The following INPP5A variants were observed in gnomAD, a reference collection of about 807,000 sequenced individuals.
The protein encoded by INPP5A is 43 kDa inositol polyphosphate 5-phophatase.
Under a neutral mutation model 65.2 loss-of-function variants are expected in INPP5A, and 14 were observed. That is an observed-to-expected ratio of 0.21 (90% CI 0.14 to 0.34). The LOEUF (loss-of-function observed/expected upper bound fraction) is 0.34, where lower values mean the gene tolerates loss of function less well. INPP5A is among the 10% of genes least tolerant of loss of function. The probability of loss-of-function intolerance (pLI) is 1.00; values close to 1 mark genes in which losing one functional copy is unlikely to be tolerated. For missense variants in INPP5A, 431 were observed against 545.6 expected, an observed-to-expected ratio of 0.79 and a Z score of 2.09; for synonymous variants, 207 against 208.3, an observed-to-expected ratio of 0.99 and a Z score of 0.05.
Position 132,764,739 on chromosome 10 carries a change from G to A in INPP5A, c.904-1034G>A, listed in dbSNP as rs556047060. 9.2e-5 allele frequency among the ~76,000 whole-genome samples: 12 copies of A among 129,954 alleles called. No homozygotes were observed. In the East Asian group the frequency reaches 1.4e-3, roughly 16 times the overall value. 85.3% of individuals were successfully genotyped at this position (129,954 alleles called of 152,430 possible). The stretch of plus-strand genomic sequence containing the variant: ...GTGTGTGGTGACACTCAGGAACACG[G>A]TCGGGCCAGTCCTGCTGCGGTGGGA... On this transcript the variant is annotated intron_variant, in intron 11 of 15. Coordinates refer to ENST00000368594, the MANE Select transcript of INPP5A (RefSeq NM_005539.5).
chr10:132,710,945 T>C (rs1845626870), intron 8 of INPP5A, among the ~76,000 whole-genome samples: 1 of 152,132 alleles, frequency 6.6e-6, no homozygotes. Context: ...GGAGGCACAC[T>C]CTGCTCTGCG....
rs915775555 is a variant in INPP5A at position 132,610,275 on chromosome 10, C to T, written c.117+2319C>T. Among the ~76,000 whole-genome samples, 3 of 152,244 alleles carry T rather than the reference C, an allele frequency of 2.0e-5. 1 individual carries two copies. The South Asian group carries it at 6.2e-4, about 32-fold the overall frequency. On this transcript the variant is annotated intron_variant, in intron 2 of 15. Coordinates refer to ENST00000368594, the MANE Select transcript of INPP5A (RefSeq NM_005539.5). The stretch of plus-strand genomic sequence containing the variant: ...GGAAGCCCCTGTCCCCACGCTCCAG[C>T]CCCTGGCAATTGTTTCCCTGTGTGC...
rs1445264896 is a variant in INPP5A at position 132,777,731 on chromosome 10, C to T, written c.1038C>T (p.Ala346=). ...GEQYMNTRCP[A]WCDRILMSPS... is the part of the protein sequence containing the mutation. ...AGTACATGAACACCCGGTGCCCAGCCTGGTGTGACCGCATCCTCATGTCCC... is the reference window on the plus strand; with the variant it reads ...AGTACATGAACACCCGGTGCCCAGCTTGGTGTGACCGCATCCTCATGTCCC... The change falls in exon 13 of 16, where the codon GCC becomes GCT. Residue 346 remains alanine, a synonymous_variant. Transcript: ENST00000368594. 6.2e-7 allele frequency: 1 copy of T among 1,613,118 alleles called. No individual in the cohort carries two copies. The highest frequency in any genetic ancestry group is 8.5e-7 in the Non-Finnish European group (1 of 1,180,010).
chr10:132,769,948 G>A (rs993775225), intron 12 of INPP5A, among the ~76,000 whole-genome samples: 8 of 152,228 alleles, frequency 5.3e-5, no homozygotes, highest in Admixed American at 1.3e-4. Flanking sequence ...GTTTAACTTT[G>A]AGAATTAACC....
At chr10:132,640,956 C>T (rs925907360) in intron 2 of INPP5A, among the ~76,000 whole-genome samples, 2 of 152,168 alleles carry the variant, frequency 1.3e-5, no homozygotes, top group East Asian at 1.9e-4. Flanking sequence ...TCAGTTTTTC[C>T]GCCGGGATGC....
intron 9 of INPP5A, among the ~76,000 whole-genome samples, chr10:132,732,259 T>C (rs898708879): frequency 3.1e-4 from 47 of 152,354 alleles, no homozygotes; most frequent in African/African-American, 1.1e-3. Flanking sequence ...AGTTTTAAAC[T>C]GGATTGTTTA....
At chr10:132,601,695 T>A (rs924728799) in intron 1 of INPP5A, among the ~76,000 whole-genome samples, 1 of 152,362 alleles carries the variant, frequency 6.6e-6, no homozygotes, top group African/African-American at 2.4e-5. Context: ...TTTCATTCTT[T>A]TGCATGCGGT....
chr10:132,769,054 CG>C (rs1424637504), intron 12 of INPP5A, among the ~76,000 whole-genome samples: 7 of 152,300 alleles, frequency 4.6e-5, no homozygotes, highest in African/African-American at 1.7e-4. Flanking sequence ...CAGCCGCACC[CG>C]GGGCGTTGGT....
At chr10:132,718,818 C>A (rs375570733) in intron 8 of INPP5A, among the ~76,000 whole-genome samples, 74 of 137,784 alleles carry the variant, frequency 5.4e-4, no homozygotes, top group African/African-American at 1.4e-3. Flanking sequence ...AGCTGTCTTG[C>A]GGGTTCTGTG....
At chr10:132,730,949 A>G (rs1375934077) in intron 9 of INPP5A, among the ~76,000 whole-genome samples, 1 of 152,180 alleles carries the variant, frequency 6.6e-6, no homozygotes, top group Non-Finnish European at 1.5e-5. Flanking sequence ...GACAGTACAG[A>G]CCAGGTGACT....
chr10:132,776,440 C>T (rs1427272073), intron 12 of INPP5A, among the ~76,000 whole-genome samples: 1 of 152,198 alleles, frequency 6.6e-6, no homozygotes, highest in Admixed American at 6.5e-5. Context: ...GGAGGGGCTG[C>T]AGAATCCGCA....
intron 2 of INPP5A, among the ~76,000 whole-genome samples, chr10:132,614,951 G>A (rs939940906): frequency 6.6e-5 from 10 of 152,276 alleles, no homozygotes; most frequent in African/African-American, 9.6e-5. Context: ...TGGAGCACAC[G>A]TCTGTGGCGT....
At chr10:132,719,458 G>A (rs1202077756) in intron 8 of INPP5A, among the ~76,000 whole-genome samples, 3 of 150,258 alleles carry the variant, frequency 2.0e-5, no homozygotes, top group East Asian at 4.0e-4. Context: ...GGTTCTGTCT[G>A]GGCACCTTAG....
Position 132,659,209 on chromosome 10 carries a change from A to G in INPP5A, c.306+8704A>G, listed in dbSNP as rs909744346. On this transcript the variant is annotated intron_variant, in intron 4 of 15. Transcript: ENST00000368594. The surrounding 1 kb of genome is among the most constrained non-coding windows in gnomAD (Gnocchi z 5.5). ...CAGACTCAGAGGCACAGGGGTTCAG[A>G]TTGAGGCCTGGGGCTGAGGAAGCAG... Among the ~76,000 whole-genome samples the G allele has an allele frequency of 6.6e-6, 1 of 152,112 alleles. No homozygotes were observed. The highest frequency in any genetic ancestry group is 1.9e-4 in the East Asian group (1 of 5,174).
intron 8 of INPP5A, among the ~76,000 whole-genome samples, chr10:132,713,769 T>A (rs1004243913): frequency 1.3e-5 from 2 of 152,154 alleles, no homozygotes; most frequent in African/African-American, 4.8e-5. Context: ...GCCTCCCGGA[T>A]ATCTCTGGAG....
chr10:132,765,983 AGT>A (rs1489028652), intron 12 of INPP5A, 137 bp downstream of exon 12: 3 of 671,662 alleles, frequency 4.5e-6, no homozygotes, highest in South Asian at 3.4e-5. Flanking sequence ...GTGCATCCAG[AGT>A]GTGTGTACCA....
rs2073088526 is a variant in INPP5A at position 132,684,320 on chromosome 10, C to A, written c.307-6072C>A. 2.0e-5 allele frequency among the ~76,000 whole-genome samples: 3 copies of A among 152,220 alleles called. No homozygotes were observed. The South Asian group carries it at 6.2e-4, about 32-fold the overall frequency. Reference sequence around the variant, plus strand: ...TATTCTCATGCCTGTCTCCTGAGAGCTCCAGCGTCTCTGAGAGAGGTCTGT... The same window carrying A: ...TATTCTCATGCCTGTCTCCTGAGAGATCCAGCGTCTCTGAGAGAGGTCTGT... On this transcript the variant is annotated intron_variant, in intron 4 of 15. Transcript: ENST00000368594.
rs551208966 is a variant in INPP5A, at chr10:132,673,692, A to T, written c.307-16700A>T. ...ATGATGGTGGACAAGGCATTCTGTG[A>T]GTCCATGGATGGTAGTCTTCACAGA... On this transcript the variant is annotated intron_variant, in intron 4 of 15. Transcript: ENST00000368594. Among the ~76,000 whole-genome samples, 3 of 152,356 alleles carry T rather than the reference A, an allele frequency of 2.0e-5. No homozygotes were observed. In the East Asian group the frequency reaches 5.8e-4, roughly 29 times the overall value.
intron 9 of INPP5A, among the ~76,000 whole-genome samples, chr10:132,746,543 C>T (rs1018690287): frequency 1.4e-4 from 22 of 152,326 alleles, no homozygotes; most frequent in African/African-American, 5.1e-4. Flanking sequence ...GGCCTGTGGA[C>T]GCCCTGTCCA....
Sources: allele counts gnomAD v4.1 joint callset (sites outside exome capture counted in the v4.1 genomes callset), GRCh38; gene constraint gnomAD v4.1.1; non-coding constraint Gnocchi (gnomAD v3.1); transcripts MANE v1.5; gene names NCBI Gene and HGNC (gene_info 2026-07-23, HGNC 2026-07-21).